The following HYDIN variants were observed in gnomAD, a reference collection of about 807,000 sequenced individuals.
HYDIN encodes the protein HYDIN axonemal central pair apparatus protein.
HYDIN carries 132 observed loss-of-function variants against 403.9 expected under a neutral mutation model. The ratio of observed to expected loss-of-function variants is 0.33; its 90% confidence interval spans 0.28 to 0.38. The LOEUF is 0.38. Ranked by LOEUF, HYDIN falls within the 10% of genes least tolerant of loss-of-function variation. HYDIN has a pLI of 1.00. For missense variants in HYDIN, 2,827 were observed against 5,009.5 expected (o/e 0.56, Z 13.15); for synonymous variants, 1,202 against 1,891.7 (o/e 0.64, Z 9.46).
At chr16:70,819,401 T>A (rs1463639827) in intron 83 of HYDIN, among the ~76,000 whole-genome samples, 1 of 152,038 alleles carries the variant, frequency 6.6e-6, no homozygotes, top group Non-Finnish European at 1.5e-5. Flanking sequence ...TAATTTAATT[T>A]AATTTAATTT....
intron 84 of HYDIN, among the ~76,000 whole-genome samples, chr16:70,811,663 GC>G (rs2035511691): frequency 6.6e-6 from 1 of 151,062 alleles, no homozygotes; most frequent in Non-Finnish European, 1.5e-5. Flanking sequence ...TTTGAGACCA[GC>G]CTGACCAACA....
chr16:71,015,457 T>C (rs547117861), intron 23 of HYDIN, among the ~76,000 whole-genome samples: 54 of 121,034 alleles, frequency 4.5e-4, no homozygotes, highest in African/African-American at 1.8e-3. Context: ...CATTTAGCTA[T>C]GTTACATCAG....
intron 75 of HYDIN, among the ~76,000 whole-genome samples, chr16:70,843,240 T>G (rs559326493): frequency 7.4e-6 from 1 of 134,870 alleles, no homozygotes; most frequent in East Asian, 2.3e-4. Flanking sequence ...CCCCTTCCTG[T>G]GTCCATGTGA....
At chr16:70,929,164 C>A (rs2077240077) in intron 45 of HYDIN, among the ~76,000 whole-genome samples, 1 of 138,952 alleles carries the variant, frequency 7.2e-6, no homozygotes, top group African/African-American at 2.7e-5. Flanking sequence ...GTGGTGCATG[C>A]CTGTAATCCC....
intron 39 of HYDIN, among the ~76,000 whole-genome samples, chr16:70,957,358 G>T (rs4643326): frequency 7.2e-6 from 1 of 139,808 alleles, no homozygotes; most frequent in Non-Finnish European, 1.5e-5. Context: ...ATGGAGTCTC[G>T]CCCTGTAGCC....
chr16:71,102,073 A>G (rs1037722278), intron 10 of HYDIN, among the ~76,000 whole-genome samples: 8 of 152,150 alleles, frequency 5.3e-5, no homozygotes, highest in Non-Finnish European at 7.4e-5. Context: ...ATTTATGTAA[A>G]GTTTGAAATA....
intron 1 of HYDIN, among the ~76,000 whole-genome samples, chr16:71,205,003 A>T (rs1045035062): frequency 6.6e-6 from 1 of 152,238 alleles, no homozygotes; most frequent in African/African-American, 2.4e-5. Context: ...CAATAAAAGA[A>T]ATCAAGCACC....
At chr16:70,883,437 C>T (rs545748668) in intron 59 of HYDIN, among the ~76,000 whole-genome samples, 2 of 151,902 alleles carry the variant, frequency 1.3e-5, no homozygotes, top group African/African-American at 4.8e-5. Flanking sequence ...GAAGCTGCAC[C>T]TCCTCCCTTA....
At chr16:70,977,793 C>T (rs2078929522) in intron 30 of HYDIN, among the ~76,000 whole-genome samples, 1 of 151,198 alleles carries the variant, frequency 6.6e-6, no homozygotes, top group African/African-American at 2.4e-5. Context: ...CCTCCAGAGA[C>T]CCTCGCTTGG....
chr16:70,971,558 G>T (rs1313913334), intron 35 of HYDIN, among the ~76,000 whole-genome samples: 3 of 152,134 alleles, frequency 2.0e-5, no homozygotes, highest in African/African-American at 7.2e-5. Flanking sequence ...AGATGCCTAG[G>T]TTATTCTGGT....
intron 43 of HYDIN, among the ~76,000 whole-genome samples, chr16:70,940,808 T>A (rs1341279678): frequency 2.6e-5 from 4 of 152,226 alleles, no homozygotes; most frequent in African/African-American, 9.7e-5. Context: ...CATTATGATT[T>A]GACTAGATAG....
Position 70,981,395 on chromosome 16 carries a change from G to A in HYDIN, c.4506C>T (p.Leu1502=). ...PQICLDLPRN[L]TANEKYEMFL... is the part of the protein sequence containing the mutation. ...TACTCCAGTGTGAAGTACTACCTGT[G>A]AGGTTCCTGGGGAGATCGAGGCAGA... Residue 1502 remains leucine, a synonymous_variant, in exon 29 of 86, where the codon CTC becomes CTT. Transcript: ENST00000393567. 1.2e-6 allele frequency: 2 copies of A among 1,613,150 alleles called. No homozygotes were observed. Among genetic ancestry groups the A allele is most frequent in the South Asian group, 2.2e-5 (2 of 90,898 alleles).
At chr16:70,818,675 G>A in intron 83 of HYDIN, 103 bp from the exon 84 acceptor site, 1 of 606,760 alleles carries the variant, frequency 1.6e-6, no homozygotes, top group Non-Finnish European at 3.0e-6. Flanking sequence ...GCATTGTTTG[G>A]CACATGAAGC....
intron 8 of HYDIN, chr16:71,133,233 A>AG (rs2084783612): frequency 2.2e-6 from 1 of 454,962 alleles, no homozygotes; most frequent in African/African-American, 2.0e-5. Flanking sequence ...TGAGAGCTAG[A>AG]GGAAATACTC....
intron 53 of HYDIN, among the ~76,000 whole-genome samples, chr16:70,900,201 C>G (rs570176547): frequency 6.6e-6 from 1 of 152,066 alleles, no homozygotes; most frequent in Non-Finnish European, 1.5e-5. Context: ...AAAGATACAT[C>G]GGGAGGCACC....
At chr16:71,012,913 G>C (rs1445605590) in intron 23 of HYDIN, among the ~76,000 whole-genome samples, 1 of 146,312 alleles carries the variant, frequency 6.8e-6, no homozygotes, top group Non-Finnish European at 1.5e-5. Flanking sequence ...TTTGGCGGGT[G>C]CCAGGAAGCT....
At chr16:71,188,599 T>C (rs2087271564) in intron 1 of HYDIN, among the ~76,000 whole-genome samples, 1 of 152,086 alleles carries the variant, frequency 6.6e-6, no homozygotes, top group Non-Finnish European at 1.5e-5. Flanking sequence ...TGCACCAAAA[T>C]AGCACAAAAA....
chr16:70,908,661 T>C lies in HYDIN; in HGVS notation c.8205A>G (p.Lys2735=). The C allele has an allele frequency of 6.3e-7, 1 of 1,585,788 alleles. No homozygotes were observed. ...DNFNGQHSQE[K]FTRLNHFRWI... ...GTTGCTGGAAGGCCCACCTGGTGAATTTCTCCTGGGAGTGCTGCCCGTTGA... is the reference window on the plus strand; with the variant it reads ...GTTGCTGGAAGGCCCACCTGGTGAACTTCTCCTGGGAGTGCTGCCCGTTGA... The change falls in exon 48 of 86, where the codon AAA becomes AAG. Residue 2735 remains lysine (K), a synonymous_variant. Coordinates refer to ENST00000393567, the MANE Select transcript of HYDIN (RefSeq NM_001270974.2).
intron 53 of HYDIN, among the ~76,000 whole-genome samples, chr16:70,898,244 T>G (rs1208913951): frequency 6.6e-6 from 1 of 151,394 alleles, no homozygotes; most frequent in African/African-American, 2.4e-5. Context: ...CATGATGACC[T>G]CTCCAATATC....
Sources: allele counts gnomAD v4.1 joint callset (sites outside exome capture counted in the v4.1 genomes callset), GRCh38; gene constraint gnomAD v4.1.1; transcripts MANE v1.5; gene names NCBI Gene and HGNC (gene_info 2026-07-23, HGNC 2026-07-21).